PIAS2: variants seen among roughly 807,000 people sequenced by gnomAD.
PIAS2 encodes protein inhibitor of activated STAT 2, also known as E3 SUMO-protein ligase PIAS2.
In PIAS2, 19 loss-of-function variants were observed where a neutral mutation model predicts 69.7. The observed-to-expected ratio is 0.27, with a 90% CI of 0.19 to 0.40. The LOEUF is 0.40. Ranked by LOEUF, PIAS2 falls within the 10% of genes least tolerant of loss-of-function variation. The pLI is 1.00. For synonymous variants in PIAS2, 261 were observed against 263.2 expected, an observed-to-expected ratio of 0.99 and a Z score of 0.08; for missense variants, 624 against 757.0, an observed-to-expected ratio of 0.82 and a Z score of 2.06.
chr18:46,843,160 C>T (rs1248342848), intron 8 of PIAS2, among the ~76,000 whole-genome samples: 5 of 152,128 alleles, frequency 3.3e-5, no homozygotes, highest in African/African-American at 9.7e-5. Flanking sequence ...TCTTCATCTA[C>T]AAAATGAAGA....
intron 1 of PIAS2, chr18:46,901,247 T>A (rs1189967920): frequency 1.5e-5 from 6 of 410,628 alleles, no homozygotes; most frequent in Non-Finnish European, 2.9e-5. Flanking sequence ...GAGAACCCCA[T>A]CTCTAAGAAA....
At chr18:46,862,329 T>C (rs1371238632) in intron 3 of PIAS2, among the ~76,000 whole-genome samples, 2 of 152,038 alleles carry the variant, frequency 1.3e-5, no homozygotes, top group Non-Finnish European at 2.9e-5. Flanking sequence ...AGCGAGACTC[T>C]GTCTCAAAAA....
chr18:46,827,462 G>A (rs1388893289), intron 11 of PIAS2: 1 of 152,242 alleles, frequency 6.6e-6, no homozygotes, highest in African/African-American at 2.4e-5. Flanking sequence ...GCCTGACACC[G>A]AGGCTTTCTT....
At chr18:46,856,453 T>G (rs2047849232) in intron 3 of PIAS2, among the ~76,000 whole-genome samples, 1 of 152,168 alleles carries the variant, frequency 6.6e-6, no homozygotes, top group South Asian at 2.1e-4. Context: ...CTCCATACCA[T>G]GCAACTTCAT....
Position 46,829,769 on chromosome 18 carries a change from A to G in PIAS2, c.1301T>C (p.Met434Thr), listed in dbSNP as rs2043328392. ...TGTACACGGTTGGCTGGATACTTTC[A>G]TAGCTTCTTTCTTCGGTCTCATTGG... Reference protein sequence around the residue: ...WCPMRPKKEAMKVSSQPCTKI... With the variant: ...WCPMRPKKEATKVSSQPCTKI... Residue 434 changes from methionine (M) to threonine (T), a missense_variant, in exon 10 of 14, where the codon ATG (methionine) becomes ACG (threonine). This residue lies in a region of PIAS2 where 241 missense variants were observed against 257.3 expected (regional missense o/e 0.94). Transcript: ENST00000585916. The G allele has an allele frequency of 6.2e-7, 1 of 1,613,708 alleles. No individual in the cohort carries two copies. The highest frequency in any genetic ancestry group is 1.3e-5 in the African/African-American group (1 of 74,908).
At chr18:46,915,521 C>G (rs2057723232) in intron 1 of PIAS2, 1 of 150,522 alleles carries the variant, frequency 6.6e-6, no homozygotes, top group Non-Finnish European at 1.5e-5. Context: ...GAGGGGCCAT[C>G]TTCTAAAAAT....
At chr18:46,918,678 T>A (rs1424123852), upstream of PIAS2, among the ~76,000 whole-genome samples, 1 of 152,172 alleles carries the variant, frequency 6.6e-6, no homozygotes, top group Non-Finnish European at 1.5e-5. Context: ...CGCCTCGGCC[T>A]CCCAAAGTAC....
intron 2 of PIAS2, among the ~76,000 whole-genome samples, chr18:46,868,608 G>A (rs910235108): frequency 3.3e-5 from 5 of 152,136 alleles, no homozygotes; most frequent in South Asian, 2.1e-4. Flanking sequence ...GAGATTAACC[G>A]TGTTAGGGAT....
At position 46,865,791 on chromosome 18, in the gene PIAS2, G is replaced by A. The variant is rs150632194; in HGVS notation, c.500-1543C>T. Among the ~76,000 whole-genome samples, 15 of 152,258 alleles carry A rather than the reference G, an allele frequency of 9.9e-5. No homozygotes were observed. In the East Asian group the frequency reaches 1.5e-3, roughly 16 times the overall value. On this transcript the variant is annotated intron_variant, in intron 2 of 13. Coordinates refer to ENST00000585916, the MANE Select transcript of PIAS2 (RefSeq NM_004671.5). The stretch of plus-strand genomic sequence containing the variant: ...AAAAAGGAGGGAAGAGGGAGATGCC[G>A]TTTAAGATGAAGGCCAAAAAGTAAA...
Position 46,910,794 on chromosome 18 carries a change from TC to T in PIAS2, c.24+6527del, listed in dbSNP as rs2057175846. On this transcript the variant is annotated intron_variant, in intron 1 of 13. Coordinates refer to ENST00000585916, the MANE Select transcript of PIAS2 (RefSeq NM_004671.5). ...GATTAGCACACCAAGTATTTTAGAT[TC>T]CCACAGCAAAGTTTTCAAAATTCTG... Among the ~76,000 whole-genome samples, 5 of 152,276 alleles carry T rather than the reference TC, an allele frequency of 3.3e-5. No individual in the cohort carries two copies. The South Asian group carries it at 1.0e-3, about 32-fold the overall frequency.
chr18:46,833,961 T>A (rs563287505), intron 9 of PIAS2, among the ~76,000 whole-genome samples: 7 of 152,106 alleles, frequency 4.6e-5, no homozygotes, highest in African/African-American at 1.4e-4. Flanking sequence ...TCCTTCCTCA[T>A]CCCCAATTTT....
chr18:46,833,824 A>G (rs1356272641), intron 9 of PIAS2, among the ~76,000 whole-genome samples: 1 of 152,232 alleles, frequency 6.6e-6, no homozygotes, highest in Non-Finnish European at 1.5e-5. Flanking sequence ...GAAATGTATT[A>G]GATAATGCAA....
At chr18:46,879,826 G>A (rs750294162) in intron 2 of PIAS2, among the ~76,000 whole-genome samples, 5 of 152,096 alleles carry the variant, frequency 3.3e-5, no homozygotes, top group African/African-American at 7.2e-5. Flanking sequence ...AATATGACAC[G>A]TAAGTCAAAT....
At chr18:46,854,694 C>T (rs901561471) in intron 5 of PIAS2, among the ~76,000 whole-genome samples, 1 of 152,144 alleles carries the variant, frequency 6.6e-6, no homozygotes, top group Non-Finnish European at 1.5e-5. Context: ...CATATACTCT[C>T]TCACTGCTTA....
intron 1 of PIAS2, among the ~76,000 whole-genome samples, chr18:46,916,363 T>C (rs1280593637): frequency 6.6e-6 from 1 of 151,672 alleles, no homozygotes. Context: ...TTGCAGTAAA[T>C]GTAATTTCAA....
intron 3 of PIAS2, among the ~76,000 whole-genome samples, chr18:46,856,931 CACA>C (rs1250941262): frequency 6.6e-6 from 1 of 152,226 alleles, no homozygotes; most frequent in Non-Finnish European, 1.5e-5. Context: ...TCCCAAGCTG[CACA>C]ACATTGTGCA....
rs761647881 is a variant in PIAS2, at chr18:46,861,871, G to C, written c.584+2293C>G. 7.2e-5 allele frequency among the ~76,000 whole-genome samples: 11 copies of C among 152,084 alleles called. 1 individual carries two copies. The highest frequency in any genetic ancestry group is 3.9e-4 in the Admixed American group (6 of 15,266). On this transcript the variant is annotated intron_variant, in intron 3 of 13. Transcript: ENST00000585916. ...GAAGACGTTTATTGACCAAAAAACTGGTGAAATCTGAATAAAGTCTGTAGT... is the reference window on the plus strand; with the variant it reads ...GAAGACGTTTATTGACCAAAAAACTCGTGAAATCTGAATAAAGTCTGTAGT...
intron 11 of PIAS2, chr18:46,827,549 G>C (rs946613973): frequency 6.4e-6 from 1 of 156,296 alleles, no homozygotes; most frequent in African/African-American, 2.4e-5. Context: ...CAAAAAAGAG[G>C]CTCAATCAAA....
chr18:46,829,517 T>C, intron 10 of PIAS2, among the ~76,000 whole-genome samples: 1 of 152,320 alleles, frequency 6.6e-6, no homozygotes, highest in East Asian at 1.9e-4. Context: ...TCCTTTATTC[T>C]ACACAGGAAA....
Sources: allele counts gnomAD v4.1 joint callset (sites outside exome capture counted in the v4.1 genomes callset), GRCh38; gene constraint gnomAD v4.1.1; regional missense constraint gnomAD v4.1.1; transcripts MANE v1.5; gene names NCBI Gene and HGNC (gene_info 2026-07-23, HGNC 2026-07-21).